Variants in DLGAP1 observed in about 807,000 individuals in gnomAD.
DLGAP1 encodes the protein disks large-associated protein 1.
In DLGAP1, 11 loss-of-function variants were observed where a neutral mutation model predicts 90.8. The ratio of observed to expected loss-of-function variants is 0.12; its 90% CI spans 0.08 to 0.20. The LOEUF (loss-of-function observed/expected upper bound fraction) is 0.20. DLGAP1 is among the 10% of genes least tolerant of loss of function. DLGAP1 has a pLI of 1.00. For synonymous variants in DLGAP1, 558 were observed against 540.7 expected (o/e 1.03, Z -0.44); for missense variants, 1,050 against 1,333.8 (o/e 0.79, Z 3.31).
chr18:4,376,599 T>G (rs943428517), intron 1 of DLGAP1, among the ~76,000 whole-genome samples: 3 of 152,162 alleles, frequency 2.0e-5, no homozygotes, highest in Admixed American at 2.0e-4. Context: ...AGACCAAAGA[T>G]AACTAATGTC....
At chr18:3,645,259 A>G (rs1460830069) in intron 7 of DLGAP1, among the ~76,000 whole-genome samples, 4 of 152,004 alleles carry the variant, frequency 2.6e-5, no homozygotes, top group Admixed American at 2.6e-4. Context: ...CACCTGGCTA[A>G]TTTTTGTATT....
intron 1 of DLGAP1, among the ~76,000 whole-genome samples, chr18:4,357,661 C>A (rs1015343326): frequency 3.9e-5 from 6 of 152,168 alleles, no homozygotes; most frequent in South Asian, 2.1e-4. Context: ...TCTGAAAAAC[C>A]AGAGTAGCTC....
At chr18:3,714,638 G>GGT (rs1568002517) in intron 7 of DLGAP1, among the ~76,000 whole-genome samples, 1 of 125,796 alleles carries the variant, frequency 7.9e-6, no homozygotes, top group African/African-American at 3.2e-5. Flanking sequence ...CTGATTACGT[G>GGT]GTTTTTTTTT....
intron 1 of DLGAP1, among the ~76,000 whole-genome samples, chr18:4,408,980 AACACAC>A (rs34298940): frequency 5.9e-4 from 89 of 149,998 alleles, no homozygotes; most frequent in South Asian, 2.1e-3. Context: ...CACACACACA[AACACAC>A]ACACACACAC....
intron 4 of DLGAP1, among the ~76,000 whole-genome samples, chr18:3,830,347 C>T (rs528725113): frequency 3.9e-5 from 6 of 152,270 alleles, no homozygotes; most frequent in Non-Finnish European, 7.4e-5. Flanking sequence ...GGGCGGATCA[C>T]GATGTCAGGA....
chr18:4,290,758 A>G (rs1276905946), intron 1 of DLGAP1, among the ~76,000 whole-genome samples: 1 of 152,170 alleles, frequency 6.6e-6, no homozygotes, highest in East Asian at 1.9e-4. Flanking sequence ...TTTAATATCA[A>G]GTTATGAGTA....
At chr18:4,319,625 G>A (rs897730171) in intron 1 of DLGAP1, among the ~76,000 whole-genome samples, 2 of 152,202 alleles carry the variant, frequency 1.3e-5, no homozygotes, top group East Asian at 1.9e-4. Context: ...AACAGAGGCA[G>A]AGAAGTCGGT....
rs753902060 is a variant in DLGAP1, at chr18:3,879,296, T to C, written c.773A>G (p.Lys258Arg). Reference protein sequence around the residue: ...VKASRSNNDVKCSTCANLPVS... With the variant: ...VKASRSNNDVRCSTCANLPVS... ...CGGCAGGTTGGCGCAGGTGGAGCAC[T>C]TGACGTCGTTGTTGCTCCGGGAGGC... Residue 258 changes from lysine to arginine, a missense_variant, in exon 4 of 13, where the codon AAG becomes AGG. By Grantham distance (26) the Lys-to-Arg change is conservative. Transcript: ENST00000315677. This position sits in a 1 kb window ranked among gnomAD's most constrained non-coding sequence, Gnocchi z 6.6. The C allele has an allele frequency of 2.5e-6, 4 of 1,595,874 alleles. No homozygotes were observed. The African/African-American group carries it at 4.0e-5, about 16-fold the overall frequency.
chr18:4,072,092 G>A (rs2075456277), intron 2 of DLGAP1, among the ~76,000 whole-genome samples: 1 of 152,118 alleles, frequency 6.6e-6, no homozygotes, highest in Non-Finnish European at 1.5e-5. Context: ...GTTGGAGGCC[G>A]CAGTACTGCT....
rs113256912 is a variant in DLGAP1, at chr18:3,666,742, G to GT, written c.1591+62392dup. Reference sequence around the variant, plus strand: ...AGATTCTAATCTGTCAATTTAAAAAGTTTTTTTTTAAACAATTTTTAAATT... The same window carrying GT: ...AGATTCTAATCTGTCAATTTAAAAAGTTTTTTTTTTAAACAATTTTTAAATT... On this transcript the variant is annotated intron_variant, in intron 7 of 12. Transcript: ENST00000315677. Among the ~76,000 whole-genome samples the GT allele has an allele frequency of 5.0e-3, 755 of 151,524 alleles. 4 individuals carry two copies. The highest frequency in any genetic ancestry group is 0.017 in the African/African-American group (722 of 41,274).
chr18:3,675,786 G>C (rs1030615924), intron 7 of DLGAP1, among the ~76,000 whole-genome samples: 3 of 152,226 alleles, frequency 2.0e-5, no homozygotes, highest in Non-Finnish European at 4.4e-5. Context: ...AAGAGGGGCA[G>C]AGGGGATTTC....
intron 4 of DLGAP1, among the ~76,000 whole-genome samples, chr18:3,824,609 A>C (rs971147423): frequency 2.6e-5 from 4 of 152,342 alleles, no homozygotes. Context: ...TCAATTTTGA[A>C]ATATTAAGTT....
intron 3 of DLGAP1, among the ~76,000 whole-genome samples, chr18:3,909,151 T>TA (rs1396324054): frequency 6.6e-6 from 1 of 152,214 alleles, no homozygotes; most frequent in Non-Finnish European, 1.5e-5. Flanking sequence ...TGACAGCCTT[T>TA]AGTGATAGGA....
intron 8 of DLGAP1, among the ~76,000 whole-genome samples, chr18:3,578,889 T>G (rs2055321721): frequency 6.6e-6 from 1 of 152,086 alleles, no homozygotes; most frequent in Non-Finnish European, 1.5e-5. Context: ...ATAATTTACA[T>G]AGCAGTGTAC....
intron 7 of DLGAP1, among the ~76,000 whole-genome samples, chr18:3,726,803 G>T (rs2062198786): frequency 6.6e-6 from 1 of 152,200 alleles, no homozygotes; most frequent in Non-Finnish European, 1.5e-5. Context: ...TTAAATCCTT[G>T]CAGGGGCAGC....
chr18:4,397,400 A>C (rs1369414764), intron 1 of DLGAP1, among the ~76,000 whole-genome samples: 2 of 152,222 alleles, frequency 1.3e-5, no homozygotes, highest in Non-Finnish European at 2.9e-5. Context: ...ATAACATCTT[A>C]AACATCTGAT....
chr18:4,269,867 C>CA (rs58780551), intron 1 of DLGAP1, among the ~76,000 whole-genome samples: 2,918 of 152,260 alleles, frequency 0.019, 83 homozygotes, highest in African/African-American at 0.066. Flanking sequence ...TGAGTTCTGA[C>CA]TAATTTTGTC....
chr18:4,426,161 G>C (rs1274117090), intron 1 of DLGAP1, among the ~76,000 whole-genome samples: 1 of 152,152 alleles, frequency 6.6e-6, no homozygotes, highest in East Asian at 1.9e-4. Context: ...CTGTTTCAGC[G>C]TTCAGACATT....
At chr18:3,512,809 C>T (rs973158449) in intron 10 of DLGAP1, among the ~76,000 whole-genome samples, 3 of 152,228 alleles carry the variant, frequency 2.0e-5, no homozygotes, top group Non-Finnish European at 2.9e-5. Context: ...CAGAAAATTG[C>T]GTCTGAATCT....
Sources: gnomAD v4.1 joint callset for allele counts (sites outside exome capture counted in the v4.1 genomes callset) on GRCh38, gnomAD v4.1.1 for gene constraint, Gnocchi (gnomAD v3.1) non-coding constraint, MANE v1.5 for transcripts, NCBI Gene and HGNC (gene_info 2026-07-23, HGNC 2026-07-21) for gene names.